Variants in MINDY2 observed in about 807,000 individuals in gnomAD.
MINDY2 encodes MINDY lysine 48 deubiquitinase 2.
In MINDY2, 52 loss-of-function variants were observed where a neutral mutation model predicts 68.2. The ratio of observed to expected loss-of-function variants is 0.76; its 90% CI spans 0.61 to 0.96. The LOEUF is 0.96. Ranked by LOEUF, MINDY2 falls within the 40% of genes least tolerant of loss-of-function variation. The pLI, the probability that MINDY2 is intolerant of heterozygous loss-of-function variation, is 0.00. For missense variants in MINDY2, 881 were observed against 773.4 expected (o/e 1.14, Z -1.65); for synonymous variants, 372 against 303.0 (o/e 1.23, Z -2.36).
At chr15:58,811,539 G>A (rs1205504116) in intron 4 of MINDY2, among the ~76,000 whole-genome samples, 2 of 152,242 alleles carry the variant, frequency 1.3e-5, no homozygotes, top group African/African-American at 2.4e-5. Flanking sequence ...GAAGAGATAA[G>A]GAGAGGGAAT....
chr15:58,859,180 G>T lies in MINDY2; in HGVS notation c.*4570G>T, dbSNP rs1218814220. Reference sequence around the variant, plus strand: ...TTTACAGTTTTTTGTGTGTTCTATAGACTATAGAGTCAAAATCAAGAGTAT... The same window carrying T: ...TTTACAGTTTTTTGTGTGTTCTATATACTATAGAGTCAAAATCAAGAGTAT... On this transcript the variant is annotated 3_prime_UTR_variant, in exon 9 of 9. Transcript: ENST00000559228. 1 of 151,868 alleles carries T rather than the reference G, an allele frequency of 6.6e-6. No homozygotes were observed. Among genetic ancestry groups the T allele is most frequent in the Non-Finnish European group, 1.5e-5 (1 of 67,934 alleles). 9.4% of individuals were successfully genotyped at this position (151,868 alleles called of 1,614,324 possible). A position where few individuals can be genotyped will look rare whatever the true frequency, so the allele number is the denominator to read the frequency against.
intron 1 of MINDY2, among the ~76,000 whole-genome samples, chr15:58,779,664 G>A (rs146524862): frequency 1.2e-3 from 183 of 152,220 alleles, no homozygotes; most frequent in African/African-American, 4.2e-3. Context: ...ACAATTGTGG[G>A]GTTTTGTTTA....
Position 58,791,654 on chromosome 15 carries a change from GTGTGTGTA to G in MINDY2, c.898+3699_898+3706del, listed in dbSNP as rs1164794011. Among the ~76,000 whole-genome samples, 817 of 142,416 alleles carry G rather than the reference GTGTGTGTA, an allele frequency of 5.7e-3. 8 individuals are homozygous for G. Among genetic ancestry groups the G allele is most frequent in the African/African-American group, 0.023 (778 of 33,162 alleles). The allele number at this position is 142,416 out of a possible 152,430, so 93.4% of individuals were successfully genotyped here. On this transcript the variant is annotated intron_variant, in intron 2 of 8. Transcript: ENST00000559228. ...TGTGTGTGTGTGTGTGTGTGTGTGTGTGTGTGTATGTGTGTGTGTGTAATGTGACCAAG... is the reference window on the plus strand; with the variant it reads ...TGTGTGTGTGTGTGTGTGTGTGTGTGTGTGTGTGTGTGTAATGTGACCAAG...
At chr15:58,774,492 G>GAAAAA (rs11385535) in intron 1 of MINDY2, among the ~76,000 whole-genome samples, 19 of 92,826 alleles carry the variant, frequency 2.0e-4, no homozygotes, top group African/African-American at 6.4e-4. Flanking sequence ...CCCAAAAAAA[G>GAAAAA]AAAAAAAAAA....
chr15:58,791,243 A>G (rs981294379), intron 2 of MINDY2, among the ~76,000 whole-genome samples: 6 of 94,216 alleles, frequency 6.4e-5, no homozygotes, highest in Non-Finnish European at 1.3e-4. Flanking sequence ...ATATATATAT[A>G]TATATATATA....
intron 1 of MINDY2, among the ~76,000 whole-genome samples, chr15:58,781,341 C>T (rs945420490): frequency 3.9e-4 from 60 of 152,118 alleles, no homozygotes; most frequent in African/African-American, 1.2e-3. Flanking sequence ...CATGAGCCAC[C>T]GCACCCAGCC....
intron 6 of MINDY2, among the ~76,000 whole-genome samples, chr15:58,846,958 T>C (rs1241637151): frequency 6.6e-6 from 1 of 152,156 alleles, no homozygotes; most frequent in African/African-American, 2.4e-5. Flanking sequence ...TTTTTGTGAC[T>C]GTAATGTATT....
At chr15:58,782,707 G>C (rs1362033948) in intron 1 of MINDY2, among the ~76,000 whole-genome samples, 1 of 152,012 alleles carries the variant, frequency 6.6e-6, no homozygotes, top group African/African-American at 2.4e-5. Flanking sequence ...TTGGTAATTG[G>C]TAATTTGGTA....
At chr15:58,808,890 C>T (rs956377556) in intron 3 of MINDY2, among the ~76,000 whole-genome samples, 1 of 152,228 alleles carries the variant, frequency 6.6e-6, no homozygotes, top group Admixed American at 6.5e-5. Context: ...AGGTGGGAGC[C>T]ACCGTGCCCA....
intron 5 of MINDY2, among the ~76,000 whole-genome samples, chr15:58,828,061 T>C (rs538300212): frequency 6.6e-6 from 1 of 151,724 alleles, no homozygotes; most frequent in African/African-American, 2.4e-5. Flanking sequence ...GGTGAGACCC[T>C]GTCTGTACTA....
chr15:58,850,059 T>C (rs1595784770), intron 7 of MINDY2, among the ~76,000 whole-genome samples: 3 of 152,262 alleles, frequency 2.0e-5, no homozygotes, highest in Middle Eastern at 6.8e-3. Flanking sequence ...CATTTACCCA[T>C]CCTCTGTATT....
chr15:58,844,354 T>C (rs1339483075), intron 6 of MINDY2, among the ~76,000 whole-genome samples: 2 of 151,038 alleles, frequency 1.3e-5, no homozygotes, highest in African/African-American at 4.9e-5. Flanking sequence ...GAGACCATCC[T>C]GGCTAACACG....
In MINDY2 at chr15:58,771,306, TTGC is replaced by T; in HGVS notation, c.-86_-84del. ...TGACCGAGGCCGCGCCAGGGCGCTG[TTGC>T]TGCCAATACAGCTGTCATGGCGTCC... is the stretch of plus-strand genomic sequence containing the variant. On this transcript the variant is annotated 5_prime_UTR_variant, in exon 1 of 9. Coordinates refer to ENST00000559228, the MANE Select transcript of MINDY2 (RefSeq NM_001040450.3). 1 of 1,514,662 alleles carries T rather than the reference TTGC, an allele frequency of 6.6e-7. No homozygotes were observed. Among genetic ancestry groups the T allele is most frequent in the Non-Finnish European group, 8.8e-7 (1 of 1,134,968 alleles). 93.8% of individuals were successfully genotyped at this position (1,514,662 alleles called of 1,614,324 possible).
At chr15:58,851,454 T>A (rs2032807834) in intron 7 of MINDY2, among the ~76,000 whole-genome samples, 1 of 152,146 alleles carries the variant, frequency 6.6e-6, no homozygotes, top group Admixed American at 6.5e-5. Flanking sequence ...TTATTCATAT[T>A]TATAGACAGG....
At chr15:58,780,170 C>T (rs138205629) in intron 1 of MINDY2, among the ~76,000 whole-genome samples, 9 of 151,962 alleles carry the variant, frequency 5.9e-5, no homozygotes, top group South Asian at 2.1e-4. Context: ...TTTGTGAGGC[C>T]GAGGCAGGCG....
At chr15:58,824,771 G>T (rs1159330908) in intron 5 of MINDY2, among the ~76,000 whole-genome samples, 1 of 142,384 alleles carries the variant, frequency 7.0e-6, no homozygotes, top group East Asian at 2.6e-4. Context: ...ATGGATTCAA[G>T]CAATTCTCCT....
chr15:58,772,127 C>A lies in MINDY2; in HGVS notation c.732C>A (p.His244Gln). The change falls in exon 1 of 9, where the codon CAC (histidine) becomes CAA (glutamine). Residue 244 changes from histidine (H) to glutamine (Q), a missense_variant. Coordinates refer to ENST00000559228, the MANE Select transcript of MINDY2 (RefSeq NM_001040450.3). ...KERFPGQSVY[H>Q]IKWIQWKEEN... ...GCTTCCCGGGACAATCTGTGTATCACATCAAGTGGATCCAGTGGAAGGAAG... is the reference window on the plus strand; with the variant it reads ...GCTTCCCGGGACAATCTGTGTATCAAATCAAGTGGATCCAGTGGAAGGAAG... 6.2e-7 allele frequency: 1 copy of A among 1,614,142 alleles called. No homozygotes were observed.
At chr15:58,848,255 C>G (rs1298950626) in intron 7 of MINDY2, among the ~76,000 whole-genome samples, 26 of 152,056 alleles carry the variant, frequency 1.7e-4, no homozygotes, top group African/African-American at 6.3e-4. Flanking sequence ...TTTAAGTGCA[C>G]AAAGACTGTT....
At chr15:58,784,620 C>CTTTTT (rs777455607) in intron 1 of MINDY2, among the ~76,000 whole-genome samples, 2 of 129,876 alleles carry the variant, frequency 1.5e-5, no homozygotes, top group African/African-American at 2.9e-5. Context: ...TCTTTCTTTC[C>CTTTTT]TTTTTTTTTT....
Sources: allele counts gnomAD v4.1 joint callset (sites outside exome capture counted in the v4.1 genomes callset), GRCh38; gene constraint gnomAD v4.1.1; transcripts MANE v1.5; gene names NCBI Gene and HGNC (gene_info 2026-07-23, HGNC 2026-07-21).